Variants in RANBP2 observed in about 807,000 individuals in gnomAD.
RANBP2 encodes RAN binding protein 2.
RANBP2 carries 57 observed loss-of-function variants against 303.6 expected under a neutral mutation model. The ratio of observed to expected loss-of-function variants is 0.19; its 90% CI spans 0.15 to 0.23. RANBP2 has a LOEUF of 0.23. Among genes scored for constraint, RANBP2 ranks in the 10% least tolerant of loss-of-function variants. The pLI is 1.00. For synonymous variants in RANBP2, 1,167 were observed against 1,301.5 expected (o/e 0.90, Z 2.23); for missense variants, 3,138 against 3,780.8 (o/e 0.83, Z 4.46).
chr2:109,124,068 T>C, the RANBP2 span, among the ~76,000 whole-genome samples: 1 of 152,072 alleles, frequency 6.6e-6, no homozygotes, highest in Admixed American at 6.6e-5. Context: ...TAGAGTACGG[T>C]GGCACAATCT....
At chr2:109,209,823 A>C in the RANBP2 span, among the ~76,000 whole-genome samples, 2 of 152,284 alleles carry the variant, frequency 1.3e-5, no homozygotes, top group African/African-American at 4.8e-5. Flanking sequence ...TCCAAGATTT[A>C]TTATTGTGAC....
chr2:109,171,080 A>T, the RANBP2 span, among the ~76,000 whole-genome samples: 1 of 152,152 alleles, frequency 6.6e-6, no homozygotes, highest in Non-Finnish European at 1.5e-5. Context: ...TCCTGGTTTT[A>T]TGTAGCTCAC....
chr2:109,094,411 T>G, the RANBP2 span, among the ~76,000 whole-genome samples: 1 of 152,220 alleles, frequency 6.6e-6, no homozygotes, highest in Non-Finnish European at 1.5e-5. Context: ...CATGCTTTCC[T>G]GGACCTGTTC....
the RANBP2 span, among the ~76,000 whole-genome samples, chr2:109,158,040 C>G: frequency 1.2e-4 from 18 of 152,210 alleles, no homozygotes; most frequent in Admixed American, 5.9e-4. Flanking sequence ...TTCAATTGCA[C>G]TGTGTCATCT....
chr2:109,649,543 G>A, the RANBP2 span, among the ~76,000 whole-genome samples: 7 of 151,976 alleles, frequency 4.6e-5, no homozygotes, highest in Middle Eastern at 3.4e-3. Flanking sequence ...GATTACAGGC[G>A]TTCACCACCA....
the RANBP2 span, among the ~76,000 whole-genome samples, chr2:109,264,418 C>T: frequency 6.6e-6 from 1 of 152,232 alleles, no homozygotes; most frequent in African/African-American, 2.4e-5. Flanking sequence ...CCCCCATCCA[C>T]CTCCCCACGA....
At chr2:109,249,521 T>TTTCTTTCTTTC in the RANBP2 span, among the ~76,000 whole-genome samples, 2 of 93,660 alleles carry the variant, frequency 2.1e-5, no homozygotes, top group African/African-American at 4.2e-5. Context: ...TTCTTTCTTT[T>TTTCTTTCTTTC]TCTTTCTTTC....
At chr2:108,971,722 T>C in the RANBP2 span, among the ~76,000 whole-genome samples, 4 of 152,328 alleles carry the variant, frequency 2.6e-5, no homozygotes, top group East Asian at 7.7e-4. Context: ...GAGTTGGCAT[T>C]AGAAGTCAGG....
At chr2:109,298,851 A>G in the RANBP2 span, among the ~76,000 whole-genome samples, 13 of 152,152 alleles carry the variant, frequency 8.5e-5, no homozygotes, top group African/African-American at 2.2e-4. Context: ...CCTAGCATCT[A>G]TTCTCAAACA....
chr2:109,615,840 G>A, the RANBP2 span: 1 of 1,614,164 alleles, frequency 6.2e-7, no homozygotes, highest in Non-Finnish European at 8.5e-7. Flanking sequence ...GTGGGTCGGA[G>A]GCAAAGCCAA....
At chr2:109,238,369 G>A in the RANBP2 span, among the ~76,000 whole-genome samples, 1 of 152,152 alleles carries the variant, frequency 6.6e-6, no homozygotes, top group Admixed American at 6.5e-5. Flanking sequence ...AACTACCAGA[G>A]CATGACAGCT....
chr2:109,173,115 C>CT, the RANBP2 span, among the ~76,000 whole-genome samples: 2 of 152,308 alleles, frequency 1.3e-5, no homozygotes, highest in African/African-American at 2.4e-5. Context: ...AAATGAACAT[C>CT]TTTTTTTAAC....
chr2:109,133,278 A>G, the RANBP2 span, among the ~76,000 whole-genome samples: 1 of 152,200 alleles, frequency 6.6e-6, no homozygotes, highest in Non-Finnish European at 1.5e-5. Context: ...GTTTATCTGT[A>G]TTTTGTATCT....
At chr2:109,375,985 TC>T in the RANBP2 span, among the ~76,000 whole-genome samples, 1 of 152,180 alleles carries the variant, frequency 6.6e-6, no homozygotes, top group Non-Finnish European at 1.5e-5. Flanking sequence ...AGCCTCAGTT[TC>T]CCCCTTCAAA....
the RANBP2 span, among the ~76,000 whole-genome samples, chr2:109,116,194 G>A: frequency 2.6e-5 from 4 of 152,228 alleles, no homozygotes; most frequent in Non-Finnish European, 5.9e-5. Context: ...CTAGATTGGG[G>A]AAGTTCTCCT....
At chr2:109,088,699 A>G in the RANBP2 span, among the ~76,000 whole-genome samples, 1 of 151,958 alleles carries the variant, frequency 6.6e-6, no homozygotes, top group African/African-American at 2.4e-5. Flanking sequence ...TTTAGAAGAG[A>G]CGGGGTTTCA....
chr2:108,719,553 G>A lies in RANBP2; in HGVS notation c.-54G>A. ...CGCTTTCCTCTTGGAAGTGGCGACT[G>A]CTGCGGGCCTGAGCGCTGGTCTCAC... On this transcript the variant is annotated 5_prime_UTR_variant, in exon 1 of 29. Coordinates refer to ENST00000283195, the MANE Select transcript of RANBP2 (RefSeq NM_006267.5). 2 of 1,570,182 alleles carry A rather than the reference G, an allele frequency of 1.3e-6. No homozygotes were observed. Among genetic ancestry groups the A allele is most frequent in the South Asian group, 1.2e-5 (1 of 85,742 alleles).
the RANBP2 span, among the ~76,000 whole-genome samples, chr2:109,270,618 C>T: frequency 1.3e-5 from 2 of 152,158 alleles, no homozygotes; most frequent in Non-Finnish European, 2.9e-5. Context: ...GGGTGCAGGG[C>T]ATGACCCAGA....
At chr2:109,109,857 A>G in the RANBP2 span, among the ~76,000 whole-genome samples, 1 of 152,274 alleles carries the variant, frequency 6.6e-6, no homozygotes, top group Non-Finnish European at 1.5e-5. Context: ...TTATGTTCTT[A>G]TCTCTATAAA....
Sources: gnomAD v4.1 joint callset for allele counts (sites outside exome capture counted in the v4.1 genomes callset) on GRCh38, gnomAD v4.1.1 for gene constraint, MANE v1.5 for transcripts, NCBI Gene and HGNC (gene_info 2026-07-23, HGNC 2026-07-21) for gene names.